Variants in SUGT1 observed in about 807,000 individuals in gnomAD.
The protein encoded by SUGT1 is SGT1 assembly cochaperone of MIS12 kinetochore complex, also known as protein SGT1 homolog.
In SUGT1, 15 loss-of-function variants were observed where a neutral mutation model predicts 56.1. The observed-to-expected ratio is 0.27, with a 90% CI of 0.18 to 0.41. The LOEUF (loss-of-function observed/expected upper bound fraction) is 0.41, where lower values mean the gene tolerates loss of function less well. SUGT1 is among the 10% of genes least tolerant of loss of function. The pLI is 1.00. For missense variants in SUGT1, 347 were observed against 382.2 expected, an observed-to-expected ratio of 0.91 and a Z score of 0.77; for synonymous variants, 123 against 128.6, an observed-to-expected ratio of 0.96 and a Z score of 0.30.
At chr13:52,659,957 T>C (rs1288795937) in intron 5 of SUGT1, among the ~76,000 whole-genome samples, 18 of 149,408 alleles carry the variant, frequency 1.2e-4, no homozygotes, top group Non-Finnish European at 2.5e-4. Flanking sequence ...GCCCCCCGAG[T>C]AGCTGGGACT....
At chr13:52,681,058 G>C (rs964497455) in intron 12 of SUGT1, among the ~76,000 whole-genome samples, 1 of 152,100 alleles carries the variant, frequency 6.6e-6, no homozygotes, top group Non-Finnish European at 1.5e-5. Context: ...GGCTGGTCTC[G>C]AACTCCTGGC....
intron 10 of SUGT1, among the ~76,000 whole-genome samples, chr13:52,673,239 T>C (rs1367519881): frequency 2.0e-5 from 1 of 49,618 alleles, no homozygotes; most frequent in African/African-American, 8.1e-5. Flanking sequence ...CTCCCTTCTT[T>C]TACTTTTTTT....
Position 52,665,750 on chromosome 13 carries a change from A to G in SUGT1, c.519+17A>G, listed in dbSNP as rs1470352109. The stretch of plus-strand genomic sequence containing the variant: ...GAAAAAGAGGTCAGTAGACTGAATC[A>G]TTTTTCAATGTTGATTACTATTATT... On this transcript the variant is annotated intron_variant, in intron 9 of 12. Coordinates refer to ENST00000310528, the MANE Select transcript of SUGT1 (RefSeq NM_006704.5). 6.5e-7 allele frequency: 1 copy of G among 1,539,850 alleles called. No homozygotes were observed. Among genetic ancestry groups the G allele is most frequent in the Admixed American group, 2.1e-5 (1 of 48,382 alleles).
Position 52,676,340 on chromosome 13 carries a change from T to C in SUGT1, c.718+20T>C. On this transcript the variant is annotated intron_variant, in intron 11 of 12. Coordinates refer to ENST00000310528, the MANE Select transcript of SUGT1 (RefSeq NM_006704.5). The stretch of plus-strand genomic sequence containing the variant: ...TAGCAGGTTTGTTTTCTGGCCTTGA[T>C]GAGCTTTATATTCATATTGTGTTGT... 5 of 1,591,878 alleles carry C rather than the reference T, an allele frequency of 3.1e-6. No individual in the cohort carries two copies. The highest frequency in any genetic ancestry group is 4.3e-6 in the Non-Finnish European group (5 of 1,165,482).
intron 6 of SUGT1, 74 bp from the exon 7 acceptor site, chr13:52,663,022 A>G (rs1962537513): frequency 5.3e-6 from 8 of 1,518,738 alleles, no homozygotes; most frequent in African/African-American, 1.4e-5. Context: ...TGTTTGTGCT[A>G]TAGAAATCAT....
chr13:52,692,610 C>T lies in SUGT1; in HGVS notation c.*4775C>T, dbSNP rs1963814552. The T allele has an allele frequency of 6.6e-6, 1 of 152,224 alleles. No homozygotes were observed. Among genetic ancestry groups the T allele is most frequent in the African/African-American group, 2.4e-5 (1 of 41,426 alleles). The allele number at this position is 152,224 out of a possible 1,614,324, so 9.4% of individuals were successfully genotyped here. ...ATTTTTAGTAGAGACGAGGTTTCAC[C>T]ATGTTGGTCAGGCTGGTCTTGAACT... On this transcript the variant is annotated 3_prime_UTR_variant, in exon 13 of 13. Transcript: ENST00000310528.
rs1414704009 is a variant in SUGT1, at chr13:52,689,877, G to C, written c.*2042G>C. 1 of 152,002 alleles carries C rather than the reference G, an allele frequency of 6.6e-6. No homozygotes were observed. Among genetic ancestry groups the C allele is most frequent in the African/African-American group, 2.4e-5 (1 of 41,362 alleles). 9.4% of individuals were successfully genotyped at this position (152,002 alleles called of 1,614,324 possible). On this transcript the variant is annotated 3_prime_UTR_variant, in exon 13 of 13. Transcript: ENST00000310528. ...CCAGCTACTTGGGAGGCTCAGGCAG[G>C]GAGAATTGCTTGAACCGGGAGGCAG...
At chr13:52,658,706 A>C (rs1321835654) in intron 4 of SUGT1, among the ~76,000 whole-genome samples, 1 of 150,276 alleles carries the variant, frequency 6.7e-6, no homozygotes, top group Non-Finnish European at 1.5e-5. Context: ...AGTATTTGCA[A>C]GGTATAGATG....
intron 12 of SUGT1, among the ~76,000 whole-genome samples, chr13:52,680,988 T>A (rs1457616586): frequency 6.6e-6 from 1 of 152,038 alleles, no homozygotes; most frequent in Non-Finnish European, 1.5e-5. Context: ...ACTATAGACA[T>A]GCACCACCAC....
chr13:52,681,520 A>G lies in SUGT1; in HGVS notation c.900+1365A>G, dbSNP rs891125849. On this transcript the variant is annotated intron_variant, in intron 12 of 12. Coordinates refer to ENST00000310528, the MANE Select transcript of SUGT1 (RefSeq NM_006704.5). ...TCTTTGTACCTTTTACAAAGTTTCCATTGATGGAAACATTTTGTCAAAACT... is the reference window on the plus strand; with the variant it reads ...TCTTTGTACCTTTTACAAAGTTTCCGTTGATGGAAACATTTTGTCAAAACT... Among the ~76,000 whole-genome samples, 3 of 152,132 alleles carry G rather than the reference A, an allele frequency of 2.0e-5. No individual in the cohort carries two copies. The South Asian group carries it at 6.2e-4, about 32-fold the overall frequency.
chr13:52,691,337 T>C lies in SUGT1; in HGVS notation c.*3502T>C, dbSNP rs1963770167. ...AGATACATCACAATGCTATTATGAA[T>C]AATTTAGATAGAAATTTTAATTTAG... On this transcript the variant is annotated 3_prime_UTR_variant, in exon 13 of 13. Transcript: ENST00000310528. 1 of 152,172 alleles carries C rather than the reference T, an allele frequency of 6.6e-6. No individual in the cohort carries two copies. Among genetic ancestry groups the C allele is most frequent in the Non-Finnish European group, 1.5e-5 (1 of 68,036 alleles). The allele number at this position is 152,172 out of a possible 1,614,324, so 9.4% of individuals were successfully genotyped here.
rs1196072332 is a variant in SUGT1 at position 52,695,612 on chromosome 13, T to C, written c.*7777T>C. The C allele has an allele frequency of 6.6e-6, 1 of 152,124 alleles. No individual in the cohort carries two copies. The highest frequency in any genetic ancestry group is 2.4e-5 in the African/African-American group (1 of 41,426). 9.4% of individuals were successfully genotyped at this position (152,124 alleles called of 1,614,324 possible). ...AGTGTTGAAATTCTTCAAAGGAGGG[T>C]GAGTCTGGCATTTACCTGCTATTCA... On this transcript the variant is annotated 3_prime_UTR_variant, in exon 13 of 13. Coordinates refer to ENST00000310528, the MANE Select transcript of SUGT1 (RefSeq NM_006704.5).
chr13:52,652,872 G>C lies in SUGT1; in HGVS notation c.-49G>C. ...TCCCCCTTGGGCGGTGGTGGAGGTG[G>C]TAACCGTGATAGTAGCAGCTCCGGC... is the stretch of plus-strand genomic sequence containing the variant. On this transcript the variant is annotated 5_prime_UTR_variant, in exon 1 of 13. Coordinates refer to ENST00000310528, the MANE Select transcript of SUGT1 (RefSeq NM_006704.5). The C allele has an allele frequency of 6.3e-7, 1 of 1,599,108 alleles. No individual in the cohort carries two copies. The highest frequency in any genetic ancestry group is 8.5e-7 in the Non-Finnish European group (1 of 1,171,998).
intron 5 of SUGT1, among the ~76,000 whole-genome samples, chr13:52,660,557 T>C (rs61959591): frequency 0.036 from 5,453 of 152,228 alleles, 128 homozygotes; most frequent in South Asian, 0.064. Context: ...GTGTACCTAT[T>C]CAGAAAAAAG....
chr13:52,691,098 T>G lies in SUGT1; in HGVS notation c.*3263T>G, dbSNP rs1963761384. 6.6e-6 allele frequency: 1 copy of G among 152,164 alleles called. No homozygotes were observed. The highest frequency in any genetic ancestry group is 2.4e-5 in the African/African-American group (1 of 41,430). The allele number at this position is 152,164 out of a possible 1,614,324, so 9.4% of individuals were successfully genotyped here. A position where few individuals can be genotyped will look rare whatever the true frequency, so the allele number is the denominator to read the frequency against. ...TTCAGGCTCAAATGATTCTCCCATC[T>G]CAGCCTCCCAAGTAGCTGGGACCAC... is the stretch of plus-strand genomic sequence containing the variant. On this transcript the variant is annotated 3_prime_UTR_variant, in exon 13 of 13. Transcript: ENST00000310528.
At chr13:52,664,013 C>G (rs112815564) in intron 7 of SUGT1, 22 bp from the exon 8 acceptor site, 2 of 1,611,922 alleles carry the variant, frequency 1.2e-6, no homozygotes, top group East Asian at 2.2e-5. Context: ...TTTCAACTTA[C>G]CAAAATCAAT....
rs1317847670 is a variant in SUGT1 at position 52,699,233 on chromosome 13, A to C, written c.*11398A>C. Reference sequence around the variant, plus strand: ...TCATTATGATTAAGTTATTGAATCCATATCACCGTATGACAGCACATGATG... The same window carrying C: ...TCATTATGATTAAGTTATTGAATCCCTATCACCGTATGACAGCACATGATG... On this transcript the variant is annotated 3_prime_UTR_variant, in exon 13 of 13. Transcript: ENST00000310528. 1 of 152,188 alleles carries C rather than the reference A, an allele frequency of 6.6e-6. No homozygotes were observed. The highest frequency in any genetic ancestry group is 6.5e-5 in the Admixed American group (1 of 15,270). The allele number at this position is 152,188 out of a possible 1,614,324, so 9.4% of individuals were successfully genotyped here. A position where few individuals can be genotyped will look rare whatever the true frequency, so the allele number is the denominator to read the frequency against.
At chr13:52,679,186 G>A (rs1460453034) in intron 11 of SUGT1, among the ~76,000 whole-genome samples, 1 of 152,152 alleles carries the variant, frequency 6.6e-6, no homozygotes, top group Admixed American at 6.5e-5. Context: ...AGGTTGTCTA[G>A]TTATTTTCTA....
chr13:52,674,935 T>G (rs1412730420), intron 10 of SUGT1, among the ~76,000 whole-genome samples: 5 of 152,178 alleles, frequency 3.3e-5, no homozygotes, highest in Non-Finnish European at 2.9e-5. Context: ...CTAGCCTTAA[T>G]TAGATAGTAA....
Sources: allele counts gnomAD v4.1 joint callset (sites outside exome capture counted in the v4.1 genomes callset), GRCh38; gene constraint gnomAD v4.1.1; transcripts MANE v1.5; gene names NCBI Gene and HGNC (gene_info 2026-07-23, HGNC 2026-07-21).